The following ARHGAP24 variants were observed in gnomAD, a reference collection of about 807,000 sequenced individuals.
ARHGAP24 encodes Rho GTPase activating protein 24.
ARHGAP24 carries 50 observed loss-of-function variants against 76.4 expected under a neutral mutation model. That is an observed-to-expected ratio of 0.65 (90% CI 0.52 to 0.83). The LOEUF is 0.83. ARHGAP24 is among the 40% of genes least tolerant of loss of function. ARHGAP24 has a pLI of 0.00. For missense variants in ARHGAP24, 930 were observed against 914.2 expected, an observed-to-expected ratio of 1.02 and a Z score of -0.22; for synonymous variants, 345 against 323.3, an observed-to-expected ratio of 1.07 and a Z score of -0.72.
intron 3 of ARHGAP24, among the ~76,000 whole-genome samples, chr4:85,788,779 C>T (rs1399748168): frequency 2.6e-5 from 4 of 152,118 alleles, no homozygotes; most frequent in Admixed American, 2.6e-4. Flanking sequence ...ATAAACTGAG[C>T]CCATACTGGT....
intron 2 of ARHGAP24, among the ~76,000 whole-genome samples, chr4:85,624,480 C>T (rs538841225): frequency 1.4e-4 from 21 of 152,234 alleles, no homozygotes; most frequent in South Asian, 8.3e-4. Flanking sequence ...CTGCTGGATT[C>T]GGTTTGCCAG....
intron 2 of ARHGAP24, among the ~76,000 whole-genome samples, chr4:85,675,382 G>T (rs1722946627): frequency 2.0e-5 from 3 of 152,146 alleles, no homozygotes; most frequent in Non-Finnish European, 4.4e-5. Flanking sequence ...GGGAGATTCA[G>T]CATGTATTCT....
Position 85,629,868 on chromosome 4 carries a change from G to A in ARHGAP24, c.180+59147G>A, listed in dbSNP as rs553517656. ...GGTGTTGTTTGGGCTTCATGGATCT[G>A]AATGTTAATTTACCTTGACAAATTT... is the stretch of plus-strand genomic sequence containing the variant. On this transcript the variant is annotated intron_variant, in intron 2 of 9. Coordinates refer to ENST00000395184, the MANE Select transcript of ARHGAP24 (RefSeq NM_001025616.3). Among the ~76,000 whole-genome samples the A allele has an allele frequency of 1.8e-3, 274 of 152,158 alleles. 1 individual carries two copies. The highest frequency in any genetic ancestry group is 6.4e-3 in the African/African-American group (266 of 41,556).
intron 2 of ARHGAP24, among the ~76,000 whole-genome samples, chr4:85,633,488 G>T (rs1394535064): frequency 1.3e-5 from 2 of 151,450 alleles, no homozygotes; most frequent in East Asian, 3.9e-4. Flanking sequence ...CATCTGCAAG[G>T]TCCTAAAATT....
chr4:85,851,223 T>C (rs1193628284), intron 3 of ARHGAP24, among the ~76,000 whole-genome samples: 1 of 152,236 alleles, frequency 6.6e-6, no homozygotes, highest in Non-Finnish European at 1.5e-5. Context: ...TTTGTCTCTT[T>C]TGATCTTTTT....
At chr4:85,743,043 T>A (rs1175597635) in intron 3 of ARHGAP24, among the ~76,000 whole-genome samples, 1 of 152,118 alleles carries the variant, frequency 6.6e-6, no homozygotes, top group African/African-American at 2.4e-5. Flanking sequence ...TATCAGGGAC[T>A]CCAGATCTCA....
intron 1 of ARHGAP24, among the ~76,000 whole-genome samples, chr4:85,506,611 T>C (rs1318165720): frequency 6.7e-6 from 1 of 149,318 alleles, no homozygotes; most frequent in African/African-American, 2.6e-5. Context: ...AAGCACAGTA[T>C]TTGGGCAGAA....
intron 2 of ARHGAP24, among the ~76,000 whole-genome samples, chr4:85,645,304 T>A (rs1203407137): frequency 3.3e-5 from 5 of 152,300 alleles, no homozygotes; most frequent in African/African-American, 1.2e-4. Flanking sequence ...ATTTTCAGGA[T>A]AAATTGAACT....
chr4:85,700,579 G>T (rs1006541133), intron 2 of ARHGAP24, among the ~76,000 whole-genome samples: 1 of 152,080 alleles, frequency 6.6e-6, no homozygotes, highest in Admixed American at 6.6e-5. Context: ...CCAGCTGATG[G>T]GTGGTGGTAA....
At chr4:85,576,362 G>A (rs922130885) in intron 2 of ARHGAP24, among the ~76,000 whole-genome samples, 6 of 151,930 alleles carry the variant, frequency 3.9e-5, no homozygotes, top group African/African-American at 7.3e-5. Flanking sequence ...CCCGGGAGGC[G>A]GAGCTTGCAG....
chr4:85,769,492 T>C (rs1299492858), intron 3 of ARHGAP24, among the ~76,000 whole-genome samples: 1 of 152,170 alleles, frequency 6.6e-6, no homozygotes, highest in African/African-American at 2.4e-5. Context: ...AGAAAGATAA[T>C]GTTTTCTTTC....
intron 2 of ARHGAP24, among the ~76,000 whole-genome samples, chr4:85,591,030 G>GTTTTT (rs1560544158): frequency 1.2e-3 from 149 of 121,856 alleles, no homozygotes; most frequent in African/African-American, 4.4e-3. Flanking sequence ...AAATCTGCTG[G>GTTTTT]GTTTTTTTTT....
intron 6 of ARHGAP24, among the ~76,000 whole-genome samples, chr4:85,974,009 A>AT (rs201491396): frequency 0.23 from 28,700 of 126,814 alleles, 3,974 homozygotes; most frequent in Non-Finnish European, 0.32. Flanking sequence ...AGCCTGGCTA[A>AT]TTTTTTTTTT....
intron 3 of ARHGAP24, among the ~76,000 whole-genome samples, chr4:85,847,473 T>C (rs867341407): frequency 2.6e-5 from 4 of 152,134 alleles, no homozygotes; most frequent in African/African-American, 9.7e-5. Context: ...AAGATAGATA[T>C]AGCAGAATAA....
At chr4:85,854,166 G>GAAAAAAAAAAAAAAAAAAAAA (rs1731424218) in intron 3 of ARHGAP24, among the ~76,000 whole-genome samples, 1 of 147,646 alleles carries the variant, frequency 6.8e-6, no homozygotes. Flanking sequence ...GAAAAAAAAG[G>GAAAAAAAAAAAAAAAAAAAAA]AAAACTTGCA....
At chr4:85,511,369 T>C (rs1363774623) in intron 1 of ARHGAP24, among the ~76,000 whole-genome samples, 1 of 152,264 alleles carries the variant, frequency 6.6e-6, no homozygotes, top group East Asian at 1.9e-4. Context: ...CTGTATTAGT[T>C]TTCTAGGGTT....
At chr4:85,492,631 T>C (rs753802609) in intron 1 of ARHGAP24, among the ~76,000 whole-genome samples, 6 of 152,216 alleles carry the variant, frequency 3.9e-5, no homozygotes, top group Non-Finnish European at 8.8e-5. Context: ...ATGATACTTA[T>C]TGCTACTGAG....
intron 3 of ARHGAP24, among the ~76,000 whole-genome samples, chr4:85,775,198 G>T (rs1419942064): frequency 6.9e-6 from 1 of 144,658 alleles, no homozygotes; most frequent in Non-Finnish European, 1.5e-5. Context: ...GAGTGGTCGG[G>T]AAATCTTCTT....
intron 3 of ARHGAP24, among the ~76,000 whole-genome samples, chr4:85,869,317 G>C (rs1732394822): frequency 6.6e-6 from 1 of 152,146 alleles, no homozygotes; most frequent in African/African-American, 2.4e-5. Flanking sequence ...GTTGGGAATG[G>C]TTGTTGATGC....
Sources: allele counts gnomAD v4.1 joint callset (sites outside exome capture counted in the v4.1 genomes callset), GRCh38; gene constraint gnomAD v4.1.1; transcripts MANE v1.5; gene names NCBI Gene and HGNC (gene_info 2026-07-23, HGNC 2026-07-21).